The following PLXNA4 variants were observed in gnomAD, a reference collection of about 807,000 sequenced individuals.
PLXNA4 encodes the protein plexin-A4.
In PLXNA4, 44 loss-of-function variants were observed where a neutral mutation model predicts 191.8. The ratio of observed to expected loss-of-function variants is 0.23; its 90% CI spans 0.18 to 0.29. The LOEUF is 0.29. PLXNA4 is among the 10% of genes least tolerant of loss of function. PLXNA4 has a pLI of 1.00. For missense variants in PLXNA4, 1,800 were observed against 2,488.8 expected (o/e 0.72, Z 5.89); for synonymous variants, 1,082 against 1,009.5 (o/e 1.07, Z -1.36).
In PLXNA4 at chr7:132,146,704, C is replaced by G; in HGVS notation, c.4865-4G>C. 1 of 1,613,848 alleles carries G rather than the reference C, an allele frequency of 6.2e-7. No individual in the cohort carries two copies. Among genetic ancestry groups the G allele is most frequent in the Non-Finnish European group, 8.5e-7 (1 of 1,179,776 alleles). On this transcript the variant is annotated splice_region_variant and splice_polypyrimidine_tract_variant and intron_variant, in intron 27 of 31. Coordinates refer to ENST00000321063, the MANE Select transcript of PLXNA4 (RefSeq NM_020911.2). ...CCCGTGTACCGGATCATGTTTTCTG[C>G]CAAGGCAAGGATCACCCCCCGACAT... is the stretch of plus-strand genomic sequence containing the variant.
chr7:132,591,147 G>A (rs757799339), intron 2 of PLXNA4, among the ~76,000 whole-genome samples: 2 of 152,182 alleles, frequency 1.3e-5, no homozygotes, highest in Non-Finnish European at 2.9e-5. Flanking sequence ...AAGAGTCAAG[G>A]TGTCATCCTC....
At chr7:132,284,610 G>C (rs1800613468) in intron 4 of PLXNA4, among the ~76,000 whole-genome samples, 1 of 152,164 alleles carries the variant, frequency 6.6e-6, no homozygotes, top group South Asian at 2.1e-4. Flanking sequence ...AGGGGCCTTG[G>C]AACCTGTGGA....
chr7:132,521,373 A>G lies in PLXNA4; in HGVS notation c.-86-12594T>C, dbSNP rs76849737. ...ATAGATCAAGTAACAAGTGTAATAT[A>G]TAGTGTACATGCCAGAAGAACATGT... is the stretch of plus-strand genomic sequence containing the variant. On this transcript the variant is annotated intron_variant, in intron 1 of 31. Transcript: ENST00000321063. Among the ~76,000 whole-genome samples, 138 of 152,206 alleles carry G rather than the reference A, an allele frequency of 9.1e-4. 1 individual carries two copies. The East Asian group carries it at 0.016, about 17-fold the overall frequency.
intron 3 of PLXNA4, among the ~76,000 whole-genome samples, chr7:132,445,124 C>T (rs1446171713): frequency 1.6e-5 from 2 of 126,156 alleles, no homozygotes; most frequent in African/African-American, 5.9e-5. Flanking sequence ...CACTGCACTC[C>T]AGCCTGGGTG....
At chr7:132,389,104 T>C (rs1454391559) in intron 3 of PLXNA4, among the ~76,000 whole-genome samples, 1 of 152,226 alleles carries the variant, frequency 6.6e-6, no homozygotes, top group Non-Finnish European at 1.5e-5. Context: ...TTGCCCACTT[T>C]TTGATTGGGT....
intron 28 of PLXNA4, 32 bp downstream of exon 28, chr7:132,146,478 G>A: frequency 6.2e-7 from 1 of 1,614,046 alleles, no homozygotes; most frequent in East Asian, 2.2e-5. Flanking sequence ...ATAGCCTCTG[G>A]GCTCCCTGCA....
chr7:132,563,334 TCC>T (rs1801437662), intron 1 of PLXNA4, among the ~76,000 whole-genome samples: 2 of 112,764 alleles, frequency 1.8e-5, no homozygotes. Flanking sequence ...CTCCTCCTCC[TCC>T]TTCTCCTCCT....
intron 3 of PLXNA4, among the ~76,000 whole-genome samples, chr7:132,339,662 C>T (rs1337353156): frequency 6.6e-6 from 1 of 152,142 alleles, no homozygotes; most frequent in Non-Finnish European, 1.5e-5. Flanking sequence ...ACCTCTCTCC[C>T]CCTGTTCTCT....
At chr7:132,432,683 C>T (rs1248131891) in intron 3 of PLXNA4, among the ~76,000 whole-genome samples, 2 of 152,220 alleles carry the variant, frequency 1.3e-5, no homozygotes, top group Middle Eastern at 3.4e-3. Context: ...CTTAAGAAAA[C>T]AGTATTGCTA....
At chr7:132,535,876 C>A (rs924338428) in intron 1 of PLXNA4, among the ~76,000 whole-genome samples, 1 of 152,164 alleles carries the variant, frequency 6.6e-6, no homozygotes, top group Admixed American at 6.5e-5. Flanking sequence ...TTAATCCCCA[C>A]CACAACCCTA....
At chr7:132,473,345 G>C (rs1401627593) in intron 3 of PLXNA4, among the ~76,000 whole-genome samples, 2 of 152,126 alleles carry the variant, frequency 1.3e-5, no homozygotes, top group Non-Finnish European at 2.9e-5. Flanking sequence ...CCTGTTCCTG[G>C]AGCAAAGAGG....
intron 3 of PLXNA4, among the ~76,000 whole-genome samples, chr7:132,420,145 G>C (rs891959962): frequency 6.6e-6 from 1 of 152,172 alleles, no homozygotes; most frequent in African/African-American, 2.4e-5. Context: ...ACCTGCCCAC[G>C]AGTCAAGGTC....
rs1186385299 is a variant in PLXNA4, at chr7:132,646,161, A to T, written c.-202-118T>A. On this transcript the variant is annotated intron_variant, in intron 1 of 4. Coordinates refer to the PLXNA4 transcript ENST00000378539. ...TGTCACCTCCTTTCATCAGGCCATT[A>T]AGGTGACAAGCTTCATAGAACACAC... is the stretch of plus-strand genomic sequence containing the variant. 3.9e-5 allele frequency: 6 copies of T among 152,540 alleles called. No homozygotes were observed. The East Asian group carries it at 7.7e-4, about 20-fold the overall frequency. 9.4% of individuals were successfully genotyped at this position (152,540 alleles called of 1,614,324 possible).
At chr7:132,517,282 G>A (rs931715000) in intron 1 of PLXNA4, among the ~76,000 whole-genome samples, 19 of 152,168 alleles carry the variant, frequency 1.2e-4, no homozygotes, top group African/African-American at 4.3e-4. Flanking sequence ...AGGTGTGACT[G>A]TGTGAATAGC....
intron 3 of PLXNA4, among the ~76,000 whole-genome samples, chr7:132,310,307 C>T (rs746634362): frequency 2.4e-4 from 37 of 152,114 alleles, no homozygotes; most frequent in Admixed American, 7.9e-4. Flanking sequence ...AATACGTAGC[C>T]GTGCCTGGTT....
At chr7:132,581,720 C>G (rs746246219), upstream of PLXNA4, among the ~76,000 whole-genome samples, 1 of 151,868 alleles carries the variant, frequency 6.6e-6, no homozygotes, top group Non-Finnish European at 1.5e-5. Flanking sequence ...GAGGACACCC[C>G]TCTCCTCCTA....
At chr7:132,609,876 A>T (rs1329419705) in intron 2 of PLXNA4, among the ~76,000 whole-genome samples, 3 of 152,196 alleles carry the variant, frequency 2.0e-5, no homozygotes, top group Non-Finnish European at 2.9e-5. Flanking sequence ...CTCCATGAGC[A>T]CTGGCTTTTA....
chr7:132,546,593 G>A (rs1248588746), intron 1 of PLXNA4, among the ~76,000 whole-genome samples: 1 of 152,176 alleles, frequency 6.6e-6, no homozygotes, highest in South Asian at 2.1e-4. Flanking sequence ...AATCCCTTGA[G>A]TGCTAAGCTT....
intron 20 of PLXNA4, among the ~76,000 whole-genome samples, chr7:132,179,217 CAT>C (rs1796608053): frequency 6.9e-6 from 1 of 144,666 alleles, no homozygotes; most frequent in Non-Finnish European, 1.5e-5. Flanking sequence ...AAATGAAACA[CAT>C]ACACATACAC....
Sources: allele counts gnomAD v4.1 joint callset (sites outside exome capture counted in the v4.1 genomes callset), GRCh38; gene constraint gnomAD v4.1.1; transcripts MANE v1.5; gene names NCBI Gene and HGNC (gene_info 2026-07-23, HGNC 2026-07-21).